Variants in TMEM128 observed in about 807,000 individuals in gnomAD.
TMEM128 encodes transmembrane protein 128.
In TMEM128, 16 loss-of-function variants were observed where a neutral mutation model predicts 19.7. That is an observed-to-expected ratio of 0.81 (90% CI 0.55 to 1.23). The LOEUF (loss-of-function observed/expected upper bound fraction) is 1.23. Among genes scored for constraint, TMEM128 ranks in the 50% most tolerant of loss-of-function variants. The probability of loss-of-function intolerance (pLI) is 0.00; values close to 1 mark genes in which losing one functional copy is unlikely to be tolerated. For synonymous variants in TMEM128, 98 were observed against 75.8 expected, an observed-to-expected ratio of 1.29 and a Z score of -1.52; for missense variants, 237 against 200.8, an observed-to-expected ratio of 1.18 and a Z score of -1.09.
At position 4,247,666 on chromosome 4, in the gene TMEM128, T is replaced by A. The variant is rs139633853; in HGVS notation, c.97+440A>T. 3.7e-6 allele frequency: 6 copies of A among 1,614,140 alleles called. No individual in the cohort carries two copies. The Admixed American group carries it at 1.0e-4, about 27-fold the overall frequency. On this transcript the variant is annotated intron_variant, in intron 1 of 4. Transcript: ENST00000382753. ...ACTTCCCTTTGAAAATCATCCCCAT[T>A]GGTACATACGAGTCGACCTGATGTG...
chr4:4,242,384 A>G (rs11737751), intron 2 of TMEM128, among the ~76,000 whole-genome samples: 46,371 of 151,130 alleles, frequency 0.31, 7,892 homozygotes, highest in East Asian at 0.46. Context: ...CAGTATATAA[A>G]TGATATAGTT....
At chr4:4,238,139 CAAG>C (rs1230366892) in intron 3 of TMEM128, among the ~76,000 whole-genome samples, 1 of 152,204 alleles carries the variant, frequency 6.6e-6, no homozygotes, top group Non-Finnish European at 1.5e-5. Flanking sequence ...ACAATTTCTT[CAAG>C]AAGGCCCTGG....
At chr4:4,241,335 A>G (rs1248522892) in intron 2 of TMEM128, among the ~76,000 whole-genome samples, 1 of 152,162 alleles carries the variant, frequency 6.6e-6, no homozygotes, top group Non-Finnish European at 1.5e-5. Context: ...CCTCACCCTC[A>G]ATGCCAATGC....
intron 2 of TMEM128, among the ~76,000 whole-genome samples, chr4:4,244,390 T>A (rs554889553): frequency 1.3e-5 from 2 of 152,128 alleles, no homozygotes; most frequent in Admixed American, 6.5e-5. Context: ...GGTGGGAGGA[T>A]CACTTGAGCC....
At chr4:4,246,752 A>C (rs1470006732) in intron 1 of TMEM128, among the ~76,000 whole-genome samples, 5 of 135,346 alleles carry the variant, frequency 3.7e-5, no homozygotes, top group Non-Finnish European at 8.5e-5. Flanking sequence ...TTTATAACTA[A>C]ATTTTTTTTT....
At chr4:4,245,495 T>C (rs1718130662) in intron 2 of TMEM128, among the ~76,000 whole-genome samples, 1 of 152,322 alleles carries the variant, frequency 6.6e-6, no homozygotes, top group Non-Finnish European at 1.5e-5. Flanking sequence ...CCCAGTACTC[T>C]TGTACTTGGT....
At position 4,245,418 on chromosome 4, in the gene TMEM128, C is replaced by T. The variant is rs61068207; in HGVS notation, c.239+784G>A. On this transcript the variant is annotated intron_variant, in intron 2 of 4. Coordinates refer to ENST00000382753, the MANE Select transcript of TMEM128 (RefSeq NM_001297551.2). Reference sequence around the variant, plus strand: ...TTACACCCTGTAGTTACCTTGTCAGCTGTAACCACCCTCTGAAACCAACCC... The same window carrying T: ...TTACACCCTGTAGTTACCTTGTCAGTTGTAACCACCCTCTGAAACCAACCC... Among the ~76,000 whole-genome samples, 753 of 152,254 alleles carry T rather than the reference C, an allele frequency of 4.9e-3. 5 individuals are homozygous for T. Among genetic ancestry groups the T allele is most frequent in the African/African-American group, 0.017 (713 of 41,542 alleles).
chr4:4,247,956 C>G (rs1446101693), intron 1 of TMEM128, 150 bp downstream of exon 1: 1 of 1,436,824 alleles, frequency 7.0e-7, no homozygotes, highest in East Asian at 2.5e-5. Flanking sequence ...GCACAGCACT[C>G]CGCGATTCTA....
rs1314347127 is a variant in TMEM128, at chr4:4,236,144, G to A, written c.*122C>T. On this transcript the variant is annotated 3_prime_UTR_variant, in exon 5 of 5. Transcript: ENST00000382753. ...CATTCACTTCAAATTTACATGTCCA[G>A]CCAGGCACGGTGGCGTGGGCCTGTA... is the stretch of plus-strand genomic sequence containing the variant. 6.6e-6 allele frequency: 1 copy of A among 151,900 alleles called. No homozygotes were observed. Among genetic ancestry groups the A allele is most frequent in the Non-Finnish European group, 1.5e-5 (1 of 68,020 alleles). The allele number at this position is 151,900 out of a possible 1,614,324, so 9.4% of individuals were successfully genotyped here.
At chr4:4,241,315 C>T (rs946416222) in intron 2 of TMEM128, among the ~76,000 whole-genome samples, 4 of 152,208 alleles carry the variant, frequency 2.6e-5, no homozygotes, top group Non-Finnish European at 4.4e-5. Flanking sequence ...AAAATATCTT[C>T]TACTCACCAC....
chr4:4,243,752 G>A lies in TMEM128; in HGVS notation c.239+2450C>T, dbSNP rs75363381. ...TCCAACCCCCACAGCCCTGGTCCCA[G>A]TGTCTGCGTCCCGGCTTTGCCACAC... On this transcript the variant is annotated intron_variant, in intron 2 of 4. Transcript: ENST00000382753. Among the ~76,000 whole-genome samples, 1,070 of 152,290 alleles carry A rather than the reference G, an allele frequency of 7.0e-3. 9 individuals carry two copies. Among genetic ancestry groups the A allele is most frequent in the Admixed American group, 0.012 (176 of 15,286 alleles).
At chr4:4,248,078 C>G in intron 1 of TMEM128, 28 bp downstream of exon 1, 1 of 1,535,154 alleles carries the variant, frequency 6.5e-7, no homozygotes, top group Non-Finnish European at 8.7e-7. Flanking sequence ...CCTCTGAGAA[C>G]CTCGGGGCGG....
chr4:4,243,714 C>A (rs1577197675), intron 2 of TMEM128, among the ~76,000 whole-genome samples: 1 of 152,146 alleles, frequency 6.6e-6, no homozygotes, highest in Non-Finnish European at 1.5e-5. Flanking sequence ...AGATCTATGA[C>A]TTCTACTTTC....
intron 4 of TMEM128, chr4:4,237,179 A>ATT: frequency 3.1e-5 from 13 of 414,124 alleles, no homozygotes; most frequent in East Asian, 7.4e-5. Context: ...AGATGGCAGA[A>ATT]TTTTTTTTCC....
intron 2 of TMEM128, among the ~76,000 whole-genome samples, chr4:4,243,181 G>A (rs1183933072): frequency 2.6e-5 from 4 of 152,108 alleles, no homozygotes; most frequent in Non-Finnish European, 5.9e-5. Context: ...CTGGGTTCAC[G>A]CCATTCTTCT....
At chr4:4,245,439 A>C (rs1203833970) in intron 2 of TMEM128, among the ~76,000 whole-genome samples, 2 of 152,034 alleles carry the variant, frequency 1.3e-5, no homozygotes, top group Non-Finnish European at 2.9e-5. Flanking sequence ...CTCTGAAACC[A>C]ACCCTGAGAC....
Position 4,240,304 on chromosome 4 carries a change from T to A in TMEM128, c.398+17A>T, listed in dbSNP as rs1717894963. ...ATTTGTTGTTCATTCCTGTTAGTCA[T>A]TTCAAAGTTAACTTACCAAATTCCT... is the stretch of plus-strand genomic sequence containing the variant. On this transcript the variant is annotated intron_variant, in intron 3 of 4. Coordinates refer to ENST00000382753, the MANE Select transcript of TMEM128 (RefSeq NM_001297551.2). The A allele has an allele frequency of 6.2e-7, 1 of 1,612,776 alleles. No homozygotes were observed. The highest frequency in any genetic ancestry group is 8.5e-7 in the Non-Finnish European group (1 of 1,179,320).
Position 4,240,596 on chromosome 4 carries a change from G to C in TMEM128, c.240-117C>G, listed in dbSNP as rs183662146. ...CTAAGAATATCAAGTGTTGCAGAGG[G>C]AGCCATACTTAAACAATCCATGCTT... On this transcript the variant is annotated intron_variant, in intron 2 of 4. Transcript: ENST00000382753. The C allele has an allele frequency of 1.1e-4, 131 of 1,153,800 alleles. No homozygotes were observed. In the African/African-American group the frequency reaches 1.8e-3, roughly 16 times the overall value. 71.5% of individuals were successfully genotyped at this position (1,153,800 alleles called of 1,614,324 possible). A position where few individuals can be genotyped will look rare whatever the true frequency, so the allele number is the denominator to read the frequency against.
intron 2 of TMEM128, among the ~76,000 whole-genome samples, chr4:4,245,123 A>C (rs192799711): frequency 6.6e-6 from 1 of 151,476 alleles, no homozygotes; most frequent in East Asian, 1.9e-4. Flanking sequence ...CCAAATTATT[A>C]CTCTTGACCC....
Sources: gnomAD v4.1 joint callset for allele counts (sites outside exome capture counted in the v4.1 genomes callset) on GRCh38, gnomAD v4.1.1 for gene constraint, MANE v1.5 for transcripts, NCBI Gene and HGNC (gene_info 2026-07-23, HGNC 2026-07-21) for gene names.